Variants in GNB1 observed in about 807,000 individuals in gnomAD.
GNB1 encodes the protein G protein subunit beta 1, also known as guanine nucleotide-binding protein G(I)/G(S)/G(T) subunit beta-1.
In GNB1, 2 loss-of-function variants were observed where a neutral mutation model predicts 42.9. That is an observed-to-expected ratio of 0.05 (90% CI 0.02 to 0.15). GNB1 has a LOEUF of 0.15. Ranked by LOEUF, GNB1 falls within the 10% of genes least tolerant of loss-of-function variation. GNB1 has a pLI of 1.00. For missense variants in GNB1, 193 were observed against 462.2 expected (o/e 0.42, Z 5.34); for synonymous variants, 183 against 174.7 (o/e 1.05, Z -0.38).
At chr1:1,806,594 A>G in intron 5 of GNB1, 56 bp from the exon 6 acceptor site, 2 of 1,197,578 alleles carry the variant, frequency 1.7e-6, no homozygotes, top group Non-Finnish European at 2.5e-6. Context: ...GAAAGTGTAC[A>G]AGAGCAACAG....
intron 1 of GNB1, among the ~76,000 whole-genome samples, chr1:1,843,454 T>A (rs190652304): frequency 6.6e-6 from 1 of 152,256 alleles, no homozygotes; most frequent in Admixed American, 6.5e-5. Context: ...CTTTAACTCC[T>A]GGGCTCAAAC....
intron 1 of GNB1, among the ~76,000 whole-genome samples, chr1:1,876,884 T>C (rs888752815): frequency 1.3e-5 from 2 of 152,214 alleles, no homozygotes; most frequent in East Asian, 3.8e-4. Flanking sequence ...AGAACCAGGA[T>C]GTCCAGCACG....
chr1:1,846,273 G>A (rs946826911), intron 1 of GNB1, among the ~76,000 whole-genome samples: 2 of 152,036 alleles, frequency 1.3e-5, no homozygotes, highest in Non-Finnish European at 2.9e-5. Flanking sequence ...ACACATAGAA[G>A]GAGTAAGATT....
intron 7 of GNB1, among the ~76,000 whole-genome samples, chr1:1,797,149 G>C (rs1037544946): frequency 6.6e-6 from 1 of 152,146 alleles, no homozygotes; most frequent in Non-Finnish European, 1.5e-5. Flanking sequence ...ACCCAAGAAC[G>C]GGACGATGGG....
chr1:1,842,455 T>G (rs1489921284), intron 1 of GNB1, among the ~76,000 whole-genome samples: 1 of 146,526 alleles, frequency 6.8e-6, no homozygotes, highest in African/African-American at 2.5e-5. Context: ...AAAAAAGAAG[T>G]CCTGGTCCTG....
chr1:1,889,893 C>G (rs1650378164), intron 1 of GNB1, among the ~76,000 whole-genome samples: 1 of 151,290 alleles, frequency 6.6e-6, no homozygotes, highest in African/African-American at 2.4e-5. Flanking sequence ...CACCCCGCTT[C>G]CAGCCGAAAA....
chr1:1,867,498 G>A (rs1234558616), intron 1 of GNB1, among the ~76,000 whole-genome samples: 1 of 152,098 alleles, frequency 6.6e-6, no homozygotes, highest in Non-Finnish European at 1.5e-5. Flanking sequence ...AAAAATTCTA[G>A]CTAGGAGTTT....
chr1:1,807,205 T>A (rs990397247), intron 5 of GNB1, among the ~76,000 whole-genome samples: 2 of 152,046 alleles, frequency 1.3e-5, no homozygotes, highest in African/African-American at 2.4e-5. Flanking sequence ...CTCATGTCTT[T>A]AATCCCAACA....
intron 2 of GNB1, among the ~76,000 whole-genome samples, chr1:1,834,911 G>A (rs933533867): frequency 4.6e-5 from 7 of 151,778 alleles, no homozygotes; most frequent in African/African-American, 2.4e-5. Context: ...TTCATGATCC[G>A]CCCACCTCAG....
chr1:1,875,672 C>A (rs1649501993), intron 1 of GNB1, among the ~76,000 whole-genome samples: 1 of 152,108 alleles, frequency 6.6e-6, no homozygotes, highest in Non-Finnish European at 1.5e-5. Context: ...CTGCATCCGG[C>A]CCCTTTTTCT....
chr1:1,839,980 T>A (rs1291922131), intron 1 of GNB1, among the ~76,000 whole-genome samples: 1 of 150,976 alleles, frequency 6.6e-6, no homozygotes, highest in Non-Finnish European at 1.5e-5. Context: ...CGTGGCTAAC[T>A]AAAAATTAAA....
intron 2 of GNB1, among the ~76,000 whole-genome samples, chr1:1,836,459 G>A (rs1027404736): frequency 7.1e-6 from 1 of 141,648 alleles, no homozygotes; most frequent in African/African-American, 2.7e-5. Context: ...TGGTGTGATC[G>A]TGACTCACTG....
At chr1:1,882,365 T>C (rs935656885) in intron 1 of GNB1, among the ~76,000 whole-genome samples, 11 of 132,926 alleles carry the variant, frequency 8.3e-5, no homozygotes, top group Non-Finnish European at 1.4e-4. Flanking sequence ...GAGGCGGAGG[T>C]TGCAGTGAGC....
chr1:1,857,630 T>A (rs151239842), intron 1 of GNB1, among the ~76,000 whole-genome samples: 1 of 152,070 alleles, frequency 6.6e-6, no homozygotes, highest in Non-Finnish European at 1.5e-5. Context: ...AATGACGATA[T>A]CTTTAACATG....
intron 2 of GNB1, among the ~76,000 whole-genome samples, chr1:1,835,500 C>T (rs1263841537): frequency 6.6e-6 from 1 of 152,136 alleles, no homozygotes; most frequent in East Asian, 1.9e-4. Context: ...AAACTGTTGC[C>T]CTGAAAGTTT....
chr1:1,881,923 C>A (rs1018970401), intron 1 of GNB1, among the ~76,000 whole-genome samples: 1 of 152,080 alleles, frequency 6.6e-6, no homozygotes, highest in Non-Finnish European at 1.5e-5. Context: ...GCCTAGGATA[C>A]ACTCCTCCCC....
At chr1:1,845,071 AAAAC>A (rs1269509496) in intron 1 of GNB1, among the ~76,000 whole-genome samples, 1 of 152,334 alleles carries the variant, frequency 6.6e-6, no homozygotes, top group East Asian at 1.9e-4. Context: ...AAACAGGATA[AAAAC>A]AAACTAGAAA....
chr1:1,825,586 T>C, intron 2 of GNB1, 87 bp from the exon 3 acceptor site: 1 of 765,530 alleles, frequency 1.3e-6, no homozygotes, highest in Non-Finnish European at 2.3e-6. Context: ...AAGTTTAAGG[T>C]GGGCGTGGTG....
intron 1 of GNB1, among the ~76,000 whole-genome samples, chr1:1,880,424 T>TA (rs1490527463): frequency 6.6e-6 from 1 of 151,724 alleles, no homozygotes; most frequent in Non-Finnish European, 1.5e-5. Context: ...CCGCCTCTAC[T>TA]AAAAATACAA....
Sources: gnomAD v4.1 joint callset for allele counts (sites outside exome capture counted in the v4.1 genomes callset) on GRCh38, gnomAD v4.1.1 for gene constraint, MANE v1.5 for transcripts, NCBI Gene and HGNC (gene_info 2026-07-23, HGNC 2026-07-21) for gene names.